NMNAT2: variants seen among roughly 807,000 people sequenced by gnomAD.
NMNAT2 encodes the protein nicotinamide/nicotinic acid mononucleotide adenylyltransferase 2.
In NMNAT2, 11 loss-of-function variants were observed where a neutral mutation model predicts 41.6. The ratio of observed to expected loss-of-function variants is 0.26; its 90% CI spans 0.17 to 0.44. The LOEUF (loss-of-function observed/expected upper bound fraction) is 0.44, where lower values mean the gene tolerates loss of function less well. NMNAT2 is among the 20% of genes least tolerant of loss of function. NMNAT2 has a pLI of 1.00. For synonymous variants in NMNAT2, 148 were observed against 151.2 expected, an observed-to-expected ratio of 0.98 and a Z score of 0.16; for missense variants, 288 against 407.7, an observed-to-expected ratio of 0.71 and a Z score of 2.53.
At position 183,364,655 on chromosome 1, in the gene NMNAT2, A is replaced by ATTTCTTTCTTTC. The variant is rs369286067; in HGVS notation, c.85+53516_85+53527dup. On this transcript the variant is annotated intron_variant, in intron 1 of 10. Coordinates refer to ENST00000287713, the MANE Select transcript of NMNAT2 (RefSeq NM_015039.4). The stretch of plus-strand genomic sequence containing the variant: ...GATAAATTCAAGCAAGGGGAGGATG[A>ATTTCTTTCTTTC]TTTCTTTCTTTCTTACTTTCTTTCT... 2.7e-3 allele frequency among the ~76,000 whole-genome samples: 388 copies of ATTTCTTTCTTTC among 143,082 alleles called. 9 individuals are homozygous for ATTTCTTTCTTTC. Among genetic ancestry groups the ATTTCTTTCTTTC allele is most frequent in the African/African-American group, 5.3e-3 (211 of 39,644 alleles). 93.9% of individuals were successfully genotyped at this position (143,082 alleles called of 152,430 possible).
chr1:183,277,455 C>CA (rs1355016672), intron 8 of NMNAT2, among the ~76,000 whole-genome samples: 1 of 136,692 alleles, frequency 7.3e-6, no homozygotes, highest in African/African-American at 2.8e-5. Context: ...GCAGAGGTTG[C>CA]AGTGAGCCGA....
intron 8 of NMNAT2, among the ~76,000 whole-genome samples, chr1:183,263,494 C>G (rs1019148420): frequency 6.6e-6 from 1 of 152,174 alleles, no homozygotes; most frequent in Admixed American, 6.5e-5. Flanking sequence ...TAAACATTTC[C>G]AAAGCCCCGC....
intron 1 of NMNAT2, among the ~76,000 whole-genome samples, chr1:183,340,233 AC>A (rs1662765811): frequency 6.6e-6 from 1 of 152,048 alleles, no homozygotes; most frequent in Non-Finnish European, 1.5e-5. Context: ...TCCAGGGAAG[AC>A]ATCCTCAAAT....
In NMNAT2 at chr1:183,411,246, T is replaced by C. The variant is rs541697223; in HGVS notation, c.85+6937A>G. Among the ~76,000 whole-genome samples the C allele has an allele frequency of 5.8e-4, 88 of 152,350 alleles. 1 individual carries two copies. The highest frequency in any genetic ancestry group is 1.0e-3 in the Non-Finnish European group (69 of 68,034). ...AATAGCCATAGAGCCTTCCTGACTC[T>C]ATCATTCCTGGCAGTAAGTCTACCA... On this transcript the variant is annotated intron_variant, in intron 1 of 10. Coordinates refer to ENST00000287713, the MANE Select transcript of NMNAT2 (RefSeq NM_015039.4).
chr1:183,379,965 G>A (rs1356600085), intron 1 of NMNAT2, among the ~76,000 whole-genome samples: 5 of 152,166 alleles, frequency 3.3e-5, no homozygotes, highest in Non-Finnish European at 7.4e-5. Context: ...AGTCCTTCAT[G>A]GAACTGTTTT....
chr1:183,277,172 A>T (rs1406924162), intron 8 of NMNAT2, among the ~76,000 whole-genome samples: 3 of 152,194 alleles, frequency 2.0e-5, no homozygotes, highest in Non-Finnish European at 4.4e-5. Flanking sequence ...CAGGGATGGA[A>T]AAAACTGAAG....
intron 4 of NMNAT2, among the ~76,000 whole-genome samples, chr1:183,289,460 C>T (rs1325318067): frequency 6.6e-6 from 1 of 152,218 alleles, no homozygotes; most frequent in East Asian, 1.9e-4. Context: ...CGGCCACAGG[C>T]CCCAGGCCCC....
chr1:183,267,007 G>T, intron 8 of NMNAT2: 1 of 167,700 alleles, frequency 6.0e-6, no homozygotes, highest in South Asian at 1.4e-4. Context: ...AGAAGATGAT[G>T]GTAATCATGA....
At chr1:183,292,303 A>G (rs1344197228) in intron 3 of NMNAT2, among the ~76,000 whole-genome samples, 1 of 152,166 alleles carries the variant, frequency 6.6e-6, no homozygotes. Context: ...AGTGGGTGTG[A>G]TTTGGTGTGG....
chr1:183,366,487 G>A (rs2102362921), intron 1 of NMNAT2, among the ~76,000 whole-genome samples: 1 of 152,328 alleles, frequency 6.6e-6, no homozygotes, highest in East Asian at 1.9e-4. Context: ...TTGATTCCAA[G>A]ATGATTAAGT....
At chr1:183,370,817 G>A (rs943489719) in intron 1 of NMNAT2, among the ~76,000 whole-genome samples, 7 of 152,216 alleles carry the variant, frequency 4.6e-5, no homozygotes. Flanking sequence ...CCAAGCTTCT[G>A]CCTGAACTTC....
At chr1:183,383,997 C>T (rs1663856972) in intron 1 of NMNAT2, among the ~76,000 whole-genome samples, 1 of 152,096 alleles carries the variant, frequency 6.6e-6, no homozygotes, top group African/African-American at 2.4e-5. Context: ...TGTATTAGTC[C>T]ATTTTCACAT....
At chr1:183,316,016 A>G (rs936205014) in intron 1 of NMNAT2, among the ~76,000 whole-genome samples, 1 of 152,220 alleles carries the variant, frequency 6.6e-6, no homozygotes, top group Non-Finnish European at 1.5e-5. Context: ...CTCCTTAATT[A>G]CTAAAAATCA....
At chr1:183,311,646 A>G (rs1662121037) in intron 1 of NMNAT2, among the ~76,000 whole-genome samples, 1 of 151,948 alleles carries the variant, frequency 6.6e-6, no homozygotes, top group Non-Finnish European at 1.5e-5. Context: ...CTTTTCTCAC[A>G]CAGGATCCAA....
chr1:183,368,901 G>A (rs1456985291), intron 1 of NMNAT2, among the ~76,000 whole-genome samples: 1 of 152,238 alleles, frequency 6.6e-6, no homozygotes, highest in Non-Finnish European at 1.5e-5. Flanking sequence ...TTAGCAAGCA[G>A]TGTTCCATTT....
intron 1 of NMNAT2, among the ~76,000 whole-genome samples, chr1:183,385,154 A>G (rs992355062): frequency 6.6e-6 from 1 of 152,162 alleles, no homozygotes; most frequent in Non-Finnish European, 1.5e-5. Context: ...GTGAGCTATG[A>G]TTGAGCCACT....
At chr1:183,300,417 GA>G (rs59973277) in intron 1 of NMNAT2, among the ~76,000 whole-genome samples, 179 of 139,534 alleles carry the variant, frequency 1.3e-3, no homozygotes, top group Middle Eastern at 3.8e-3. Context: ...CTAAAAAAAA[GA>G]AAAAAAAAAA....
chr1:183,372,809 A>T (rs1663577743), intron 1 of NMNAT2, among the ~76,000 whole-genome samples: 1 of 152,240 alleles, frequency 6.6e-6, no homozygotes, highest in Non-Finnish European at 1.5e-5. Flanking sequence ...GAGATACTCT[A>T]TGACATAAAA....
At chr1:183,398,798 T>C (rs1367681512) in intron 1 of NMNAT2, among the ~76,000 whole-genome samples, 1 of 152,090 alleles carries the variant, frequency 6.6e-6, no homozygotes, top group Non-Finnish European at 1.5e-5. Flanking sequence ...GAACAACCTG[T>C]TCCTGAATGA....
Sources: allele counts gnomAD v4.1 joint callset (sites outside exome capture counted in the v4.1 genomes callset), GRCh38; gene constraint gnomAD v4.1.1; transcripts MANE v1.5; gene names NCBI Gene and HGNC (gene_info 2026-07-23, HGNC 2026-07-21).